Variants in SUMF1 observed in about 807,000 individuals in gnomAD.
SUMF1 encodes sulfatase modifying factor 1, also known as formylglycine-generating enzyme.
A neutral mutation model predicts 47.6 loss-of-function variants in SUMF1; 48 were observed. That is an observed-to-expected ratio of 1.01 (90% CI 0.80 to 1.28). The LOEUF (loss-of-function observed/expected upper bound fraction) is 1.28, where lower values mean the gene tolerates loss of function less well. Among genes scored for constraint, SUMF1 ranks in the 50% most tolerant of loss-of-function variants. The pLI, the probability that SUMF1 is intolerant of heterozygous loss-of-function variation, is 0.00. For missense variants in SUMF1, 571 were observed against 485.4 expected (o/e 1.18, Z -1.66); for synonymous variants, 230 against 192.1 (o/e 1.20, Z -1.63).
chr3:4,204,904 T>C (rs1486139948), intron 8 of SUMF1, among the ~76,000 whole-genome samples: 1 of 152,142 alleles, frequency 6.6e-6, no homozygotes, highest in Non-Finnish European at 1.5e-5. Flanking sequence ...TTTTCTTGAA[T>C]TTTGTTGAGC....
chr3:4,329,543 C>T (rs1699009317), intron 8 of SUMF1, among the ~76,000 whole-genome samples: 1 of 152,326 alleles, frequency 6.6e-6, no homozygotes, highest in South Asian at 2.1e-4. Flanking sequence ...GGTTGGGACA[C>T]AGGGCACCAA....
chr3:4,109,181 T>C (rs1693230892), intron 8 of SUMF1, among the ~76,000 whole-genome samples: 3 of 152,074 alleles, frequency 2.0e-5, no homozygotes, highest in Non-Finnish European at 4.4e-5. Flanking sequence ...CCTTCACTTA[T>C]GAAGCTTAGT....
intron 8 of SUMF1, among the ~76,000 whole-genome samples, chr3:4,238,858 G>T (rs1378029429): frequency 6.6e-6 from 1 of 152,170 alleles, no homozygotes; most frequent in Non-Finnish European, 1.5e-5. Flanking sequence ...CCATGCCTAT[G>T]TCCTGAATGG....
intron 8 of SUMF1, among the ~76,000 whole-genome samples, chr3:4,215,469 T>C (rs1475050182): frequency 6.6e-6 from 1 of 152,164 alleles, no homozygotes; most frequent in Non-Finnish European, 1.5e-5. Context: ...AAAGCATTCC[T>C]TTTGAAAACC....
At chr3:4,368,598 C>A (rs530863340) in intron 8 of SUMF1, among the ~76,000 whole-genome samples, 8 of 152,252 alleles carry the variant, frequency 5.3e-5, no homozygotes, top group African/African-American at 1.4e-4. Flanking sequence ...AAATGTCCAA[C>A]CATGACAGAC....
downstream of SUMF1, among the ~76,000 whole-genome samples, chr3:4,360,023 ATACT>A: frequency 6.6e-6 from 1 of 152,324 alleles, no homozygotes; most frequent in African/African-American, 2.4e-5. Context: ...AACACCAAAA[ATACT>A]TACGCAATGT....
intron 8 of SUMF1, among the ~76,000 whole-genome samples, chr3:4,167,214 T>A (rs1286502066): frequency 6.6e-6 from 1 of 151,992 alleles, no homozygotes; most frequent in Admixed American, 6.5e-5. Flanking sequence ...CAAGATTTAT[T>A]GTGAAGAGCG....
intron 8 of SUMF1, among the ~76,000 whole-genome samples, chr3:4,134,799 G>A (rs566056903): frequency 6.1e-4 from 93 of 152,132 alleles, no homozygotes; most frequent in Non-Finnish European, 1.1e-3. Flanking sequence ...TATCACCACC[G>A]ATCCCACAGA....
chr3:4,455,711 C>T (rs971808135), intron 1 of SUMF1, among the ~76,000 whole-genome samples: 1 of 151,750 alleles, frequency 6.6e-6, no homozygotes, highest in Non-Finnish European at 1.5e-5. Context: ...AGCAAGACTC[C>T]GTTTCAAATA....
chr3:4,449,922 T>C (rs1702912815), intron 2 of SUMF1, among the ~76,000 whole-genome samples: 1 of 152,216 alleles, frequency 6.6e-6, no homozygotes, highest in African/African-American at 2.4e-5. Flanking sequence ...AATTAGGTCG[T>C]TTGTCCCTTG....
chr3:4,374,723 C>T (rs10494173), intron 8 of SUMF1, among the ~76,000 whole-genome samples: 39,118 of 151,998 alleles, frequency 0.26, 5,934 homozygotes, highest in African/African-American at 0.43. Context: ...CCATGGAAGT[C>T]TGGTTTCCTG....
At chr3:4,253,486 A>T (rs1301857527) in intron 8 of SUMF1, among the ~76,000 whole-genome samples, 1 of 152,080 alleles carries the variant, frequency 6.6e-6, no homozygotes, top group Non-Finnish European at 1.5e-5. Flanking sequence ...TTTCCGAGTA[A>T]AAGAAAGGGG....
chr3:4,113,200 G>A (rs1211088644), intron 8 of SUMF1, among the ~76,000 whole-genome samples: 1 of 152,070 alleles, frequency 6.6e-6, no homozygotes, highest in African/African-American at 2.4e-5. Flanking sequence ...TATGTGTTGG[G>A]AACGTTTCAA....
At chr3:4,333,752 T>C (rs573414538) in intron 8 of SUMF1, among the ~76,000 whole-genome samples, 29 of 152,046 alleles carry the variant, frequency 1.9e-4, no homozygotes, top group Admixed American at 5.9e-4. Context: ...GGAGGAATAG[T>C]GTGGAGTAAA....
chr3:4,218,781 A>G (rs1695997639), intron 8 of SUMF1, among the ~76,000 whole-genome samples: 1 of 152,162 alleles, frequency 6.6e-6, no homozygotes, highest in Non-Finnish European at 1.5e-5. Flanking sequence ...GCCTTCAGAG[A>G]CAACATTTTG....
chr3:4,186,362 G>A (rs1695201001), intron 8 of SUMF1, among the ~76,000 whole-genome samples: 1 of 152,150 alleles, frequency 6.6e-6, no homozygotes, highest in Non-Finnish European at 1.5e-5. Context: ...GGTAATGGGG[G>A]GAGGTGAGCT....
intron 8 of SUMF1, among the ~76,000 whole-genome samples, chr3:4,351,077 C>G (rs567770075): frequency 1.3e-5 from 2 of 152,330 alleles, no homozygotes; most frequent in Non-Finnish European, 2.9e-5. Context: ...GTTGGCTCCA[C>G]AAGAGATTGT....
intron 7 of SUMF1, 144 bp from the exon 8 acceptor site, chr3:4,376,533 T>A (rs1700336132): frequency 1.2e-6 from 1 of 845,534 alleles, no homozygotes. Flanking sequence ...GCTTTGTATC[T>A]GTATTCGTGG....
At chr3:4,232,962 C>G (rs13065523) in intron 8 of SUMF1, among the ~76,000 whole-genome samples, 10 of 151,846 alleles carry the variant, frequency 6.6e-5, no homozygotes, top group Admixed American at 5.3e-4. Flanking sequence ...GGTGAATCCA[C>G]GGGTCTCACC....
Sources: gnomAD v4.1 joint callset for allele counts (sites outside exome capture counted in the v4.1 genomes callset) on GRCh38, gnomAD v4.1.1 for gene constraint, MANE v1.5 for transcripts, NCBI Gene and HGNC (gene_info 2026-07-23, HGNC 2026-07-21) for gene names.